The following ACTR3C variants were observed in gnomAD, a reference collection of about 807,000 sequenced individuals.
ACTR3C encodes the protein actin-related protein 3C.
A neutral mutation model predicts 26.3 loss-of-function variants in ACTR3C; 18 were observed. The observed-to-expected ratio is 0.68, with a 90% confidence interval of 0.47 to 1.01. ACTR3C has a LOEUF of 1.01. Among genes scored for constraint, ACTR3C ranks in the 50% least tolerant of loss-of-function variants. The pLI, the probability that ACTR3C is intolerant of heterozygous loss-of-function variation, is 0.00. For missense variants in ACTR3C, 184 were observed against 250.7 expected (o/e 0.73, Z 1.80); for synonymous variants, 55 against 94.5 (o/e 0.58, Z 2.42).
the ACTR3C span, among the ~76,000 whole-genome samples, chr7:150,146,151 T>A: frequency 6.6e-6 from 1 of 152,030 alleles, no homozygotes; most frequent in South Asian, 2.1e-4. Flanking sequence ...AAATTCAAAA[T>A]ATTACTGAAA....
chr7:149,892,252 C>G, the ACTR3C span: 3 of 1,437,018 alleles, frequency 2.1e-6, no homozygotes, highest in African/African-American at 4.2e-5. Context: ...CTTAGAGAAG[C>G]AGACACCTGT....
At chr7:150,299,960 TA>T (rs1795293648) in intron 1 of ACTR3C, among the ~76,000 whole-genome samples, 2 of 149,638 alleles carry the variant, frequency 1.3e-5, no homozygotes, top group Admixed American at 1.3e-4. Flanking sequence ...CAAATAGTAT[TA>T]GGGTTTTTTT....
At chr7:150,003,969 C>T in the ACTR3C span, among the ~76,000 whole-genome samples, 530 of 141,756 alleles carry the variant, frequency 3.7e-3, no homozygotes, top group African/African-American at 0.014. Flanking sequence ...ATGTGTCATG[C>T]GTGTGTATGC....
the ACTR3C span, among the ~76,000 whole-genome samples, chr7:149,945,926 A>G: frequency 1.3e-5 from 2 of 152,156 alleles, no homozygotes; most frequent in Admixed American, 1.3e-4. Context: ...GGAAGCAGCT[A>G]TCTGGGAACA....
intron 6 of ACTR3C, among the ~76,000 whole-genome samples, chr7:150,269,518 G>T (rs1321510373): frequency 1.3e-5 from 2 of 148,784 alleles, no homozygotes; most frequent in Admixed American, 1.3e-4. Flanking sequence ...CCGGCCCAGG[G>T]AAGGCAGGAC....
At chr7:150,186,386 T>C in the ACTR3C span, among the ~76,000 whole-genome samples, 3 of 152,162 alleles carry the variant, frequency 2.0e-5, no homozygotes, top group Admixed American at 2.0e-4. Flanking sequence ...AAACAGAAAG[T>C]TACAAGGAGA....
the ACTR3C span, among the ~76,000 whole-genome samples, chr7:150,213,167 A>C: frequency 6.6e-6 from 1 of 152,170 alleles, no homozygotes; most frequent in Non-Finnish European, 1.5e-5. Context: ...AGTACCTGCA[A>C]CCATGAGTTA....
the ACTR3C span, among the ~76,000 whole-genome samples, chr7:150,098,069 A>T: frequency 9.2e-5 from 14 of 151,444 alleles, no homozygotes; most frequent in Non-Finnish European, 1.9e-4. Context: ...ATCCATCTAG[A>T]TCCACCCATA....
At chr7:150,302,794 A>T in intron 1 of ACTR3C, 1 of 151,988 alleles carries the variant, frequency 6.6e-6, no homozygotes. Context: ...CAAACTCCTC[A>T]TCTAACTTCC....
At chr7:150,098,642 C>T in the ACTR3C span, among the ~76,000 whole-genome samples, 1 of 151,668 alleles carries the variant, frequency 6.6e-6, no homozygotes, top group African/African-American at 2.4e-5. Context: ...TTGGAAAACA[C>T]ACACCTGTGA....
At chr7:150,049,297 C>T in the ACTR3C span, among the ~76,000 whole-genome samples, 3 of 152,120 alleles carry the variant, frequency 2.0e-5, no homozygotes, top group African/African-American at 7.2e-5. Context: ...TCTCTCGTCT[C>T]GTCCCCACGT....
the ACTR3C span, among the ~76,000 whole-genome samples, chr7:150,140,860 G>A: frequency 6.6e-6 from 1 of 152,252 alleles, no homozygotes; most frequent in African/African-American, 2.4e-5. Context: ...TAAACAGTTA[G>A]CCAAGTTGTG....
the ACTR3C span, among the ~76,000 whole-genome samples, chr7:150,094,778 G>T: frequency 6.6e-6 from 1 of 150,858 alleles, no homozygotes; most frequent in Non-Finnish European, 1.5e-5. Flanking sequence ...TGGCCATGGG[G>T]AATGGCGGCA....
At chr7:150,082,462 G>T in the ACTR3C span, among the ~76,000 whole-genome samples, 9 of 152,168 alleles carry the variant, frequency 5.9e-5, no homozygotes, top group Non-Finnish European at 1.2e-4. Context: ...CAGTGCCAAA[G>T]AAAGCAACCT....
the ACTR3C span, among the ~76,000 whole-genome samples, chr7:150,091,572 T>G: frequency 1.1e-5 from 1 of 91,664 alleles, no homozygotes; most frequent in Admixed American, 1.3e-4. Flanking sequence ...CTCATCAACT[T>G]ATAGTGGAGC....
At chr7:150,037,331 CG>C in the ACTR3C span, among the ~76,000 whole-genome samples, 10 of 48,432 alleles carry the variant, frequency 2.1e-4, 1 homozygote, top group South Asian at 1.2e-3. Flanking sequence ...GGTCCTAAGC[CG>C]GGGGGGGAAG....
the ACTR3C span, among the ~76,000 whole-genome samples, chr7:150,119,142 T>C: frequency 2.0e-5 from 3 of 152,024 alleles, no homozygotes; most frequent in Non-Finnish European, 4.4e-5. Flanking sequence ...CATACCAAAA[T>C]GTAAAGACCA....
the ACTR3C span, among the ~76,000 whole-genome samples, chr7:150,009,440 C>T: frequency 0.013 from 1,925 of 152,296 alleles, 40 homozygotes; most frequent in African/African-American, 0.044. Context: ...GAAGGTGGCC[C>T]CTGTTCTCAG....
the ACTR3C span, among the ~76,000 whole-genome samples, chr7:150,141,032 C>G: frequency 4.6e-5 from 7 of 152,378 alleles, no homozygotes; most frequent in Non-Finnish European, 7.3e-5. Flanking sequence ...AAAGCCTAAT[C>G]CAGGGCAAGG....
Sources: allele counts gnomAD v4.1 joint callset (sites outside exome capture counted in the v4.1 genomes callset), GRCh38; gene constraint gnomAD v4.1.1; transcripts MANE v1.5; gene names NCBI Gene and HGNC (gene_info 2026-07-23, HGNC 2026-07-21).